Variants in BRCC3 observed in about 807,000 individuals in gnomAD.
The protein encoded by BRCC3 is BRCA1/BRCA2-containing complex subunit 3, also known as lys-63-specific deubiquitinase BRCC36.
BRCC3 carries 15 observed loss-of-function variants against 28.0 expected under a neutral mutation model. That is an observed-to-expected ratio of 0.54 (90% CI 0.36 to 0.82). BRCC3 has a LOEUF of 0.82. Among genes scored for constraint, BRCC3 ranks in the 40% least tolerant of loss-of-function variants. The pLI is 0.01. For synonymous variants in BRCC3, 66 were observed against 80.3 expected (o/e 0.82, Z 0.95); for missense variants, 109 against 225.9 (o/e 0.48, Z 3.32).
chrX:155,118,417 A>G (rs2074370559), intron 9 of BRCC3, among the ~76,000 whole-genome samples: 1 of 111,660 alleles, frequency 9.0e-6, no homozygotes, highest in Admixed American at 9.5e-5. Context: ...ATTTGATGCA[A>G]AGGGAACTGC....
chrX:155,083,329 G>A (rs782467166), intron 5 of BRCC3, among the ~76,000 whole-genome samples: 10 of 111,899 alleles, frequency 8.9e-5, no homozygotes, highest in East Asian at 2.8e-4. Context: ...TGAATTCCCC[G>A]TTTCTGCCTT....
rs145219253 is a variant in BRCC3, at chrX:155,081,018, T to A, written c.403+2315T>A. Among the ~76,000 whole-genome samples the A allele has an allele frequency of 2.8e-3, 314 of 111,690 alleles. 9 individuals carry two copies. In the East Asian group the frequency reaches 0.066, roughly 23 times the overall value. ...AATGAGGACACATCAGGTCTCTCAT[T>A]TGAGATCCTGAGATCTCAAAAATAT... On this transcript the variant is annotated intron_variant, in intron 5 of 10. Coordinates refer to ENST00000330045, the MANE Select transcript of BRCC3 (RefSeq NM_001018055.3).
chrX:155,108,218 G>A (rs781962026), intron 7 of BRCC3, among the ~76,000 whole-genome samples: 7 of 111,825 alleles, frequency 6.3e-5, no homozygotes, highest in Middle Eastern at 4.7e-3. Context: ...GGGAAAATAC[G>A]GTAAGTACAA....
At position 155,099,256 on chromosome X, in the gene BRCC3, C is replaced by CAGGG. The variant is rs2074231683; in HGVS notation, c.548+8419_548+8422dup. ...AGGTCTCAGGGCTCTGCAGTGTCAT[C>CAGGG]AGGGACCCAGACTCCTCTATTTTGC... On this transcript the variant is annotated intron_variant, in intron 7 of 10. Transcript: ENST00000330045. 15 of 1,158,988 alleles carry CAGGG rather than the reference C, an allele frequency of 1.3e-5. No individual in the cohort carries two copies. The South Asian group carries it at 1.4e-4, about 11-fold the overall frequency.
At chrX:155,109,532 G>A (rs781894988) in intron 7 of BRCC3, among the ~76,000 whole-genome samples, 1 of 111,845 alleles carries the variant, frequency 8.9e-6, no homozygotes, top group Admixed American at 9.5e-5. Context: ...GGTGTTTTAT[G>A]TTATTGTAAT....
At chrX:155,089,404 G>T in intron 6 of BRCC3, 53 bp downstream of exon 6, 1 of 786,860 alleles carries the variant, frequency 1.3e-6, no homozygotes, top group Non-Finnish European at 1.8e-6. Flanking sequence ...GTCTGTGTGT[G>T]TGTCTACACA....
Position 155,123,046 on chromosome X carries a change from G to A in BRCC3, c.*1842G>A, listed in dbSNP as rs1209145598. 4 of 111,387 alleles carry A rather than the reference G, an allele frequency of 3.6e-5. No homozygotes were observed. Among genetic ancestry groups the A allele is most frequent in the Non-Finnish European group, 7.5e-5 (4 of 53,054 alleles). The allele number at this position is 111,387 out of a possible 1,213,427, so 9.2% of individuals were successfully genotyped here. A position where few individuals can be genotyped will look rare whatever the true frequency, so the allele number is the denominator to read the frequency against. On this transcript the variant is annotated 3_prime_UTR_variant, in exon 11 of 11. Transcript: ENST00000330045. Reference sequence around the variant, plus strand: ...AATGCATGTAAAATCTGGTGATACTGAATAAAGTCTGTGGTCTAGATAGCA... The same window carrying A: ...AATGCATGTAAAATCTGGTGATACTAAATAAAGTCTGTGGTCTAGATAGCA...
chrX:155,080,000 G>T (rs1401102784), intron 5 of BRCC3, among the ~76,000 whole-genome samples: 1 of 111,123 alleles, frequency 9.0e-6, no homozygotes, highest in East Asian at 2.8e-4. Context: ...ACCTTATTCA[G>T]ATTCTTTAAT....
At chrX:155,109,201 T>C (rs1207537070) in intron 7 of BRCC3, among the ~76,000 whole-genome samples, 2 of 112,125 alleles carry the variant, frequency 1.8e-5, no homozygotes, top group Non-Finnish European at 3.8e-5. Flanking sequence ...GTAACACACT[T>C]AGTTGCTGTA....
intron 7 of BRCC3, chrX:155,099,217 T>G: frequency 1.2e-6 from 1 of 830,313 alleles, no homozygotes; most frequent in Non-Finnish European, 1.6e-6. Flanking sequence ...AAAAGAAGTC[T>G]GGAGATGGAT....
At chrX:155,082,922 C>T (rs782042978) in intron 5 of BRCC3, among the ~76,000 whole-genome samples, 2 of 111,896 alleles carry the variant, frequency 1.8e-5, no homozygotes, top group African/African-American at 6.5e-5. Context: ...TTTCCTCTTT[C>T]GTGACATAGA....
At chrX:155,084,472 C>T (rs1014685538) in intron 5 of BRCC3, among the ~76,000 whole-genome samples, 9 of 111,704 alleles carry the variant, frequency 8.1e-5, no homozygotes, top group Non-Finnish European at 1.3e-4. Context: ...GCGCCATTCT[C>T]CTGCCTCAGC....
intron 5 of BRCC3, among the ~76,000 whole-genome samples, chrX:155,087,156 A>G (rs1329799768): frequency 1.1e-4 from 12 of 111,801 alleles, no homozygotes; most frequent in African/African-American, 3.3e-4. Context: ...TGGGTCCCTC[A>G]GCGCTCAGGT....
At chrX:155,110,495 C>A (rs781950526) in intron 7 of BRCC3, among the ~76,000 whole-genome samples, 4 of 110,020 alleles carry the variant, frequency 3.6e-5, no homozygotes, top group African/African-American at 1.3e-4. Context: ...TCTTATTATT[C>A]TTTTAAAGTT....
intron 5 of BRCC3, among the ~76,000 whole-genome samples, chrX:155,081,914 A>T (rs1342121043): frequency 8.9e-6 from 1 of 111,939 alleles, no homozygotes. Context: ...AAAACAGAGT[A>T]CTAAAGGGAA....
intron 10 of BRCC3, 21 bp from the exon 11 acceptor site, chrX:155,121,202 A>G (rs2074386554): frequency 8.9e-6 from 1 of 112,091 alleles, no homozygotes; most frequent in South Asian, 3.7e-4. Context: ...GTTCTTCTCT[A>G]TTCTTTTTCT....
chrX:155,109,055 C>A (rs1387804945), intron 7 of BRCC3, among the ~76,000 whole-genome samples: 6 of 111,188 alleles, frequency 5.4e-5, no homozygotes, highest in African/African-American at 2.0e-4. Context: ...CTTTTTCCCA[C>A]GTGTGTATCC....
intron 7 of BRCC3, among the ~76,000 whole-genome samples, chrX:155,101,095 C>T (rs1023953705): frequency 9.1e-6 from 1 of 110,270 alleles, no homozygotes; most frequent in Non-Finnish European, 1.9e-5. Context: ...GGTGGGGTTT[C>T]GCCATGTTGC....
chrX:155,075,352 GACCTC>G (rs2074030199), intron 3 of BRCC3, among the ~76,000 whole-genome samples: 1 of 55,512 alleles, frequency 1.8e-5, no homozygotes, highest in African/African-American at 3.5e-4. Flanking sequence ...TTCAGGCCAA[GACCTC>G]TGCTCCCTTT....
Sources: allele counts gnomAD v4.1 joint callset (sites outside exome capture counted in the v4.1 genomes callset), GRCh38; gene constraint gnomAD v4.1.1; transcripts MANE v1.5; gene names NCBI Gene and HGNC (gene_info 2026-07-23, HGNC 2026-07-21).